Variants in STX8 observed in about 807,000 individuals in gnomAD.
STX8 encodes the protein syntaxin-8.
Under a neutral mutation model 37.5 loss-of-function variants are expected in STX8, and 23 were observed. The ratio of observed to expected loss-of-function variants is 0.61; its 90% CI spans 0.44 to 0.87. The LOEUF is 0.87. Among genes scored for constraint, STX8 ranks in the 40% least tolerant of loss-of-function variants. The pLI, the probability that STX8 is intolerant of heterozygous loss-of-function variation, is 0.00. For synonymous variants in STX8, 115 were observed against 99.1 expected, an observed-to-expected ratio of 1.16 and a Z score of -0.95; for missense variants, 313 against 284.7, an observed-to-expected ratio of 1.10 and a Z score of -0.71.
intron 7 of STX8, among the ~76,000 whole-genome samples, chr17:9,310,292 A>G (rs537202050): frequency 2.6e-5 from 4 of 152,338 alleles, no homozygotes; most frequent in African/African-American, 7.2e-5. Context: ...TCAGATTGCA[A>G]CCTCAGGCAT....
At chr17:9,413,577 T>C (rs184684151) in intron 6 of STX8, among the ~76,000 whole-genome samples, 10 of 152,298 alleles carry the variant, frequency 6.6e-5, no homozygotes, top group Admixed American at 2.0e-4. Context: ...TATCTCTCCA[T>C]TGTTTTTCCC....
chr17:9,286,452 A>G (rs1040631852), intron 7 of STX8, among the ~76,000 whole-genome samples: 11 of 152,226 alleles, frequency 7.2e-5, no homozygotes, highest in African/African-American at 2.7e-4. Context: ...ATGCATGTGT[A>G]GTACAAACGG....
chr17:9,309,530 ACT>A (rs528303297), intron 7 of STX8, among the ~76,000 whole-genome samples: 42 of 152,054 alleles, frequency 2.8e-4, no homozygotes, highest in Non-Finnish European at 5.3e-4. Flanking sequence ...AAATGATTAA[ACT>A]CTGGGAAATT....
At chr17:9,483,949 T>C (rs1034348700) in intron 6 of STX8, among the ~76,000 whole-genome samples, 2 of 152,184 alleles carry the variant, frequency 1.3e-5, no homozygotes, top group Admixed American at 1.3e-4. Flanking sequence ...TCCGTATGTC[T>C]GCCAGCTCCT....
At chr17:9,557,340 G>C in intron 3 of STX8, 94 bp downstream of exon 3, 1 of 1,025,382 alleles carries the variant, frequency 9.8e-7, no homozygotes. Flanking sequence ...TCAAGCTGTG[G>C]GAAAATCTGG....
At chr17:9,450,156 G>A (rs953892294) in intron 6 of STX8, among the ~76,000 whole-genome samples, 1 of 151,734 alleles carries the variant, frequency 6.6e-6, no homozygotes, top group Admixed American at 6.6e-5. Context: ...TTGGCTTACA[G>A]CAACCTCTGC....
At chr17:9,371,615 C>T (rs1911403418) in intron 7 of STX8, among the ~76,000 whole-genome samples, 1 of 150,248 alleles carries the variant, frequency 6.7e-6, no homozygotes, top group African/African-American at 2.5e-5. Flanking sequence ...AAGATGCTAA[C>T]ATTTATCAAA....
intron 1 of STX8, among the ~76,000 whole-genome samples, chr17:9,573,400 A>C (rs1283200025): frequency 1.3e-5 from 2 of 152,094 alleles, no homozygotes; most frequent in African/African-American, 2.4e-5. Context: ...ATAATAACTC[A>C]ACCAATTGCC....
In STX8 at chr17:9,346,678, A is replaced by C. The variant is rs60298871; in HGVS notation, c.643+31874T>G. ...AAAGAAAACAAACTCACAAGCCAGGAGGCCAGGAAGCAAAGAGACTCCCTA... is the reference window on the plus strand; with the variant it reads ...AAAGAAAACAAACTCACAAGCCAGGCGGCCAGGAAGCAAAGAGACTCCCTA... On this transcript the variant is annotated intron_variant, in intron 7 of 7. Coordinates refer to ENST00000306357, the MANE Select transcript of STX8 (RefSeq NM_004853.3). Among the ~76,000 whole-genome samples the C allele has an allele frequency of 7.6e-3, 1,164 of 152,368 alleles. 14 individuals are homozygous for C. Among genetic ancestry groups the C allele is most frequent in the African/African-American group, 0.027 (1,115 of 41,582 alleles).
At chr17:9,253,969 C>T (rs920087276) in intron 7 of STX8, among the ~76,000 whole-genome samples, 5 of 152,170 alleles carry the variant, frequency 3.3e-5, no homozygotes, top group Admixed American at 6.5e-5. Context: ...CACTGCCATC[C>T]CTGATTTGGC....
chr17:9,332,576 CA>C (rs1258965368), intron 7 of STX8, among the ~76,000 whole-genome samples: 1 of 152,186 alleles, frequency 6.6e-6, no homozygotes, highest in African/African-American at 2.4e-5. Flanking sequence ...TGCTATGTTT[CA>C]GTCATCTGTC....
At chr17:9,262,677 G>A (rs1259862477) in intron 7 of STX8, among the ~76,000 whole-genome samples, 1 of 152,000 alleles carries the variant, frequency 6.6e-6, no homozygotes, top group African/African-American at 2.4e-5. Context: ...CGCCTCCCAG[G>A]TTCAAGCAAT....
chr17:9,270,456 A>G (rs747173969), intron 7 of STX8, among the ~76,000 whole-genome samples: 8 of 151,602 alleles, frequency 5.3e-5, no homozygotes, highest in Non-Finnish European at 1.2e-4. Context: ...GGGTCTCACC[A>G]TGTTAGCCAG....
chr17:9,497,589 T>C (rs1006706544), intron 5 of STX8, among the ~76,000 whole-genome samples: 27 of 144,868 alleles, frequency 1.9e-4, no homozygotes, highest in African/African-American at 6.3e-4. Context: ...AGTCATTATC[T>C]GACACTCTCT....
intron 7 of STX8, among the ~76,000 whole-genome samples, chr17:9,271,569 G>T (rs1448904429): frequency 2.6e-5 from 4 of 152,128 alleles, no homozygotes; most frequent in Non-Finnish European, 5.9e-5. Context: ...GGCCAACAGG[G>T]TGAAACCCCA....
chr17:9,492,528 G>T (rs1906900130), intron 5 of STX8, among the ~76,000 whole-genome samples: 1 of 152,206 alleles, frequency 6.6e-6, no homozygotes, highest in African/African-American at 2.4e-5. Context: ...AGGAATGTAT[G>T]TAAGAAAATA....
intron 7 of STX8, among the ~76,000 whole-genome samples, chr17:9,256,002 C>G (rs551158659): frequency 1.3e-5 from 2 of 152,294 alleles, no homozygotes; most frequent in South Asian, 2.1e-4. Context: ...AAGCAGGGAT[C>G]TTTTTGAAGC....
At chr17:9,352,441 G>C (rs1024184162) in intron 7 of STX8, among the ~76,000 whole-genome samples, 1 of 148,596 alleles carries the variant, frequency 6.7e-6, no homozygotes, top group Non-Finnish European at 1.5e-5. Flanking sequence ...CTGGGAGAAA[G>C]AGCCTCTCCC....
At position 9,524,163 on chromosome 17, in the gene STX8, G is replaced by A. The variant is rs74871499; in HGVS notation, c.324-19001C>T. ...TGGAAATTACTGTTCTAAAAAGACA[G>A]GATTCAAGAAGATACACAAGGAGGA... On this transcript the variant is annotated intron_variant, in intron 4 of 7. Transcript: ENST00000306357. Among the ~76,000 whole-genome samples, 1,286 of 152,282 alleles carry A rather than the reference G, an allele frequency of 8.4e-3. 25 individuals are homozygous for A. Among genetic ancestry groups the A allele is most frequent in the African/African-American group, 0.029 (1,198 of 41,552 alleles).
Sources: gnomAD v4.1 joint callset for allele counts (sites outside exome capture counted in the v4.1 genomes callset) on GRCh38, gnomAD v4.1.1 for gene constraint, MANE v1.5 for transcripts, NCBI Gene and HGNC (gene_info 2026-07-23, HGNC 2026-07-21) for gene names.